ADK: variants seen among roughly 807,000 people sequenced by gnomAD.
ADK encodes the protein adenosine kinase, also known as N6,N6-dimethyladenosine kinase.
In ADK, 24 loss-of-function variants were observed where a neutral mutation model predicts 44.7. The observed-to-expected ratio is 0.54, with a 90% confidence interval of 0.39 to 0.76. The LOEUF (loss-of-function observed/expected upper bound fraction) is 0.76, where lower values mean the gene tolerates loss of function less well. Among genes scored for constraint, ADK ranks in the 30% least tolerant of loss-of-function variants. The pLI is 0.00. For synonymous variants in ADK, 128 were observed against 142.6 expected (o/e 0.90, Z 0.73); for missense variants, 321 against 425.1 (o/e 0.76, Z 2.15).
At chr10:74,346,427 T>C (rs1841767555) in intron 4 of ADK, among the ~76,000 whole-genome samples, 1 of 150,790 alleles carries the variant, frequency 6.6e-6, no homozygotes, top group African/African-American at 2.5e-5. Context: ...TGTAAGCTAA[T>C]CTAAATTTTC....
At chr10:74,682,555 GTTTTC>G (rs1321654721) in intron 10 of ADK, among the ~76,000 whole-genome samples, 5 of 134,232 alleles carry the variant, frequency 3.7e-5, no homozygotes, top group African/African-American at 8.0e-5. Context: ...TTAAGCTTTA[GTTTTC>G]TTTTCTTTTC....
chr10:74,654,030 T>C (rs1474069489), intron 9 of ADK, among the ~76,000 whole-genome samples: 2 of 152,120 alleles, frequency 1.3e-5, no homozygotes, highest in African/African-American at 4.8e-5. Flanking sequence ...CCTTCATATC[T>C]AATGCAGTTT....
chr10:74,176,835 G>A, intron 1 of ADK: 1 of 1,605,828 alleles, frequency 6.2e-7, no homozygotes, highest in Non-Finnish European at 8.5e-7. Flanking sequence ...TAGAGCATCG[G>A]ACGCGGGCGC....
chr10:74,346,116 T>A (rs1841755505), intron 4 of ADK, among the ~76,000 whole-genome samples: 1 of 152,222 alleles, frequency 6.6e-6, no homozygotes, highest in South Asian at 2.1e-4. Flanking sequence ...GGTCTCAAAC[T>A]CCTGACCTCA....
At chr10:74,673,969 C>T (rs1229135516) in intron 10 of ADK, among the ~76,000 whole-genome samples, 1 of 152,142 alleles carries the variant, frequency 6.6e-6, no homozygotes, top group Non-Finnish European at 1.5e-5. Flanking sequence ...CTACAACATC[C>T]AGCTGCTTCT....
intron 9 of ADK, among the ~76,000 whole-genome samples, chr10:74,608,769 T>G (rs1852433100): frequency 6.6e-6 from 1 of 152,148 alleles, no homozygotes; most frequent in African/African-American, 2.4e-5. Context: ...GGAGATTTGC[T>G]GCTCTCTTCA....
intron 3 of ADK, among the ~76,000 whole-genome samples, chr10:74,267,754 T>TTG (rs372502769): frequency 0.029 from 3,824 of 132,782 alleles, 75 homozygotes; most frequent in South Asian, 0.058. Context: ...ATATCCTTAT[T>TTG]TGTGTGTGTG....
intron 3 of ADK, among the ~76,000 whole-genome samples, chr10:74,283,676 C>A (rs1028431989): frequency 8.5e-6 from 1 of 117,460 alleles, no homozygotes; most frequent in Non-Finnish European, 1.8e-5. Flanking sequence ...CTCTTGTTTT[C>A]TTTCTTTCTT....
chr10:74,164,775 A>G (rs2132043325), intron 1 of ADK, among the ~76,000 whole-genome samples: 1 of 152,196 alleles, frequency 6.6e-6, no homozygotes, highest in South Asian at 2.1e-4. Context: ...GCATTCCTAC[A>G]TTTTTCAAAT....
At chr10:74,392,472 A>G (rs952933186) in intron 4 of ADK, among the ~76,000 whole-genome samples, 2 of 152,082 alleles carry the variant, frequency 1.3e-5, no homozygotes, top group African/African-American at 4.8e-5. Context: ...AGAAATGTCT[A>G]TTCAAGTCCT....
intron 4 of ADK, among the ~76,000 whole-genome samples, chr10:74,356,297 C>T (rs535425736): frequency 1.3e-5 from 2 of 152,110 alleles, no homozygotes; most frequent in Admixed American, 6.5e-5. Flanking sequence ...GGATTACAGG[C>T]GTGAGCCACC....
At chr10:74,201,382 C>T (rs187153167) in intron 2 of ADK, among the ~76,000 whole-genome samples, 4 of 152,260 alleles carry the variant, frequency 2.6e-5, no homozygotes, top group African/African-American at 9.6e-5. Flanking sequence ...CCATTTCGTA[C>T]AATAGTCCCC....
At chr10:74,311,415 A>G (rs1840428629) in intron 3 of ADK, among the ~76,000 whole-genome samples, 1 of 152,196 alleles carries the variant, frequency 6.6e-6, no homozygotes, top group Admixed American at 6.5e-5. Flanking sequence ...GCTATTCTTC[A>G]GGATTTCTCA....
chr10:74,349,754 AG>A (rs1841901978), intron 4 of ADK, among the ~76,000 whole-genome samples: 1 of 152,106 alleles, frequency 6.6e-6, no homozygotes. Context: ...AAAAAAAAGC[AG>A]GGGTTGCACT....
chr10:74,267,242 T>G (rs563297461), intron 3 of ADK, among the ~76,000 whole-genome samples: 5 of 152,166 alleles, frequency 3.3e-5, no homozygotes, highest in Non-Finnish European at 4.4e-5. Flanking sequence ...CTATATGGGT[T>G]GGTTTGGCAT....
rs549671869 is a variant in ADK, at chr10:74,219,210, C to G, written c.141-5328C>G. 1.7e-3 allele frequency among the ~76,000 whole-genome samples: 253 copies of G among 151,456 alleles called. 1 individual carries two copies. The highest frequency in any genetic ancestry group is 4.7e-3 in the African/African-American group (196 of 41,302). On this transcript the variant is annotated intron_variant, in intron 2 of 10. Coordinates refer to ENST00000539909, the MANE Select transcript of ADK (RefSeq NM_006721.4). The stretch of plus-strand genomic sequence containing the variant: ...GAATGGAAAACAAAAAAAGGCAGGG[C>G]TTGCAATCCTAGTCTCTGATAAAAC...
chr10:74,431,646 C>T (rs190354990), intron 6 of ADK, among the ~76,000 whole-genome samples: 1 of 152,160 alleles, frequency 6.6e-6, no homozygotes, highest in East Asian at 1.9e-4. Flanking sequence ...GAGGCTGAGG[C>T]ACGATAATTG....
intron 4 of ADK, among the ~76,000 whole-genome samples, chr10:74,386,068 TTGG>T (rs2132020803): frequency 6.6e-6 from 1 of 152,206 alleles, no homozygotes; most frequent in East Asian, 1.9e-4. Flanking sequence ...CCTGTCTCAC[TTGG>T]TGGTATTGTA....
chr10:74,260,255 T>TTTTG lies in ADK; in HGVS notation c.194+35680_194+35683dup, dbSNP rs533466731. ...CAACCTGTAGTAGAATTATAGATTC[T>TTTTG]TTTGTTTGTTTGTTTGTTTTGCTTT... On this transcript the variant is annotated intron_variant, in intron 3 of 10. Transcript: ENST00000539909. Among the ~76,000 whole-genome samples the TTTTG allele has an allele frequency of 4.5e-4, 68 of 152,270 alleles. No individual in the cohort carries two copies. In the South Asian group the frequency reaches 0.013, roughly 29 times the overall value.
Sources: gnomAD v4.1 joint callset for allele counts (sites outside exome capture counted in the v4.1 genomes callset) on GRCh38, gnomAD v4.1.1 for gene constraint, MANE v1.5 for transcripts, NCBI Gene and HGNC (gene_info 2026-07-23, HGNC 2026-07-21) for gene names.